The following EFHD1 variants were observed in gnomAD, a reference collection of about 807,000 sequenced individuals.
The protein encoded by EFHD1 is EF-hand domain-containing protein D1.
In EFHD1, 10 loss-of-function variants were observed where a neutral mutation model predicts 17.2. The observed-to-expected ratio is 0.58, with a 90% CI of 0.36 to 0.99. The LOEUF (loss-of-function observed/expected upper bound fraction) is 0.99, where lower values mean the gene tolerates loss of function less well. Among genes scored for constraint, EFHD1 ranks in the 50% least tolerant of loss-of-function variants. The pLI, the probability that EFHD1 is intolerant of heterozygous loss-of-function variation, is 0.01. For missense variants in EFHD1, 310 were observed against 327.5 expected, an observed-to-expected ratio of 0.95 and a Z score of 0.41; for synonymous variants, 153 against 142.0, an observed-to-expected ratio of 1.08 and a Z score of -0.55.
At chr2:232,614,043 A>AAC (rs1009734336) in intron 1 of EFHD1, among the ~76,000 whole-genome samples, 1 of 47,830 alleles carries the variant, frequency 2.1e-5, no homozygotes, top group Non-Finnish European at 5.5e-5. Flanking sequence ...AACATACACA[A>AAC]ACACACACAT....
chr2:232,681,064 A>G (rs1695273325), intron 3 of EFHD1, among the ~76,000 whole-genome samples: 1 of 152,006 alleles, frequency 6.6e-6, no homozygotes, highest in South Asian at 2.1e-4. Context: ...GCTGAGACAG[A>G]AGAACTGCTT....
At chr2:232,624,633 A>G (rs871687) in intron 1 of EFHD1, among the ~76,000 whole-genome samples, 62,556 of 152,214 alleles carry the variant, frequency 0.41, 14,958 homozygotes, top group East Asian at 0.87. Context: ...ACTGGCAGCC[A>G]AGCCGGGGAA....
At position 232,666,716 on chromosome 2, in the gene EFHD1, C is replaced by G. The variant is rs570691757; in HGVS notation, c.450+3767C>G. Among the ~76,000 whole-genome samples the G allele has an allele frequency of 3.9e-5, 6 of 152,270 alleles. No individual in the cohort carries two copies. The East Asian group carries it at 1.2e-3, about 29-fold the overall frequency. Reference sequence around the variant, plus strand: ...AGCTTCAGGGACATTCACAGTCTACCCTTTGTCAGTTCCAAGCCCAGTCCC... The same window carrying G: ...AGCTTCAGGGACATTCACAGTCTACGCTTTGTCAGTTCCAAGCCCAGTCCC... On this transcript the variant is annotated intron_variant, in intron 2 of 3. Coordinates refer to ENST00000264059, the MANE Select transcript of EFHD1 (RefSeq NM_025202.4).
At chr2:232,640,324 G>A (rs1426090704) in intron 1 of EFHD1, among the ~76,000 whole-genome samples, 1 of 152,194 alleles carries the variant, frequency 6.6e-6, no homozygotes, top group Admixed American at 6.5e-5. Flanking sequence ...TGTCGTGGCT[G>A]AGCTAGTGGG....
chr2:232,638,611 A>G (rs1176732300), intron 1 of EFHD1: 4 of 367,446 alleles, frequency 1.1e-5, no homozygotes, highest in East Asian at 7.3e-5. Context: ...GAATTTTCCA[A>G]AGAGGTAAAG....
At chr2:232,636,479 G>A (rs1043698771) in intron 1 of EFHD1, among the ~76,000 whole-genome samples, 1 of 152,210 alleles carries the variant, frequency 6.6e-6, no homozygotes, top group African/African-American at 2.4e-5. Flanking sequence ...GTGAAGGCCA[G>A]GTGGATTTTA....
intron 2 of EFHD1, among the ~76,000 whole-genome samples, chr2:232,667,259 G>A (rs1339336153): frequency 6.6e-6 from 1 of 152,168 alleles, no homozygotes; most frequent in Admixed American, 6.6e-5. Flanking sequence ...ATCAGACCAT[G>A]GATGGACCGC....
At chr2:232,622,694 C>T (rs2106187329) in intron 1 of EFHD1, among the ~76,000 whole-genome samples, 1 of 152,072 alleles carries the variant, frequency 6.6e-6, no homozygotes, top group East Asian at 1.9e-4. Flanking sequence ...GACGTCCTCT[C>T]CAGTGAGGGT....
chr2:232,649,416 T>C (rs1047788784), intron 1 of EFHD1, among the ~76,000 whole-genome samples: 7 of 152,184 alleles, frequency 4.6e-5, no homozygotes, highest in Admixed American at 3.9e-4. Flanking sequence ...TATCCTCTGA[T>C]AGGACTGGGC....
At chr2:232,642,202 G>C (rs1205166899) in intron 1 of EFHD1, among the ~76,000 whole-genome samples, 1 of 151,974 alleles carries the variant, frequency 6.6e-6, no homozygotes, top group Non-Finnish European at 1.5e-5. Flanking sequence ...GGCCAATATG[G>C]TGAAACCCCG....
At chr2:232,633,370 A>T, upstream of EFHD1, 2 of 874,618 alleles carry the variant, frequency 2.3e-6, no homozygotes, top group Non-Finnish European at 2.9e-6. Context: ...AGTTGATCCG[A>T]GGGTCCCTGC....
chr2:232,681,287 C>T (rs1158006962), intron 3 of EFHD1, among the ~76,000 whole-genome samples: 2 of 152,042 alleles, frequency 1.3e-5, no homozygotes, highest in Non-Finnish European at 2.9e-5. Flanking sequence ...GGTTAATAAA[C>T]TGGGATGTTA....
intron 3 of EFHD1, among the ~76,000 whole-genome samples, chr2:232,673,616 T>C (rs1695117965): frequency 6.6e-6 from 1 of 152,236 alleles, no homozygotes; most frequent in African/African-American, 2.4e-5. Context: ...CCTGGGCTGC[T>C]TTCCCTGACT....
At chr2:232,631,703 A>C (rs1257552156), upstream of EFHD1, among the ~76,000 whole-genome samples, 5 of 139,444 alleles carry the variant, frequency 3.6e-5, 1 homozygote, top group South Asian at 8.5e-4. Context: ...AAAAAAAAAA[A>C]AAACAAAAAC....
At chr2:232,679,696 G>A (rs1223217949) in intron 3 of EFHD1, among the ~76,000 whole-genome samples, 3 of 150,560 alleles carry the variant, frequency 2.0e-5, no homozygotes, top group East Asian at 1.9e-4. Context: ...CCTCAACCTG[G>A]GGGATGGAGC....
chr2:232,625,161 C>T (rs1323854179), intron 1 of EFHD1, among the ~76,000 whole-genome samples: 1 of 152,162 alleles, frequency 6.6e-6, no homozygotes, highest in Non-Finnish European at 1.5e-5. Context: ...CAAAGTCTCA[C>T]TCTGTCGCCC....
intron 1 of EFHD1, among the ~76,000 whole-genome samples, chr2:232,639,817 T>C (rs987555713): frequency 1.3e-5 from 2 of 152,094 alleles, no homozygotes; most frequent in Non-Finnish European, 2.9e-5. Context: ...TTGGCACACG[T>C]TTGTCTTTAG....
intron 1 of EFHD1, chr2:232,661,960 A>C (rs564863053): frequency 6.6e-6 from 1 of 152,342 alleles, no homozygotes. Context: ...AGAGCAAGGT[A>C]TTCATACCTG....
intron 1 of EFHD1, among the ~76,000 whole-genome samples, chr2:232,613,669 C>CAT (rs1693852320): frequency 6.6e-6 from 1 of 150,428 alleles, no homozygotes. Flanking sequence ...AATACACACA[C>CAT]ACAAATATAC....
Sources: allele counts gnomAD v4.1 joint callset (sites outside exome capture counted in the v4.1 genomes callset), GRCh38; gene constraint gnomAD v4.1.1; transcripts MANE v1.5; gene names NCBI Gene and HGNC (gene_info 2026-07-23, HGNC 2026-07-21).